ATP2A3: variants seen among roughly 807,000 people sequenced by gnomAD.
ATP2A3 encodes ATPase sarcoplasmic/endoplasmic reticulum Ca2+ transporting 3.
Under a neutral mutation model 106.8 loss-of-function variants are expected in ATP2A3, and 61 were observed. The observed-to-expected ratio is 0.57, with a 90% CI of 0.46 to 0.71. The LOEUF (loss-of-function observed/expected upper bound fraction) is 0.71. Among genes scored for constraint, ATP2A3 ranks in the 30% least tolerant of loss-of-function variants. ATP2A3 has a pLI of 0.00. For missense variants in ATP2A3, 1,201 were observed against 1,423.5 expected (o/e 0.84, Z 2.52); for synonymous variants, 611 against 609.3 (o/e 1.00, Z -0.04).
chr17:3,928,881 C>T lies in ATP2A3; in HGVS notation c.2863-101G>A, dbSNP rs2052873599. 1.1e-6 allele frequency: 1 copy of T among 887,002 alleles called. No homozygotes were observed. Among genetic ancestry groups the T allele is most frequent in the South Asian group, 1.5e-5 (1 of 64,950 alleles). 54.9% of individuals were successfully genotyped at this position (887,002 alleles called of 1,614,324 possible). ...TCCACCTGGGCTCTGATGGACTCTTCATGAGCGCTCCTAAGAACCCCCTGG... is the reference window on the plus strand; with the variant it reads ...TCCACCTGGGCTCTGATGGACTCTTTATGAGCGCTCCTAAGAACCCCCTGG... On this transcript the variant is annotated intron_variant, in intron 19 of 20. Transcript: ENST00000397041. The surrounding 1 kb of genome is among the most constrained non-coding windows in gnomAD (Gnocchi z 6.1).
In ATP2A3 at chr17:3,947,553, G is replaced by A. The variant is rs1160292115; in HGVS notation, c.933C>T (p.Leu311=). 1.2e-6 allele frequency: 2 copies of A among 1,613,050 alleles called. No individual in the cohort carries two copies. The highest frequency in any genetic ancestry group is 1.7e-6 in the Non-Finnish European group (2 of 1,179,940). ...ALAVAAIPEG[L]PAVITTCLAL... ...CCAGGCATGTAGTGATGACAGCCGG[G>A]AGGCCCTCGGGGATGGCCGCCACCG... The change falls in exon 8 of 21, where the codon CTC becomes CTT. Residue 311 remains leucine (L), a synonymous_variant. Coordinates refer to ENST00000397041, the MANE Select transcript of ATP2A3 (RefSeq NM_005173.4). The surrounding 1 kb of genome is among the most constrained non-coding windows in gnomAD (Gnocchi z 7.7).
At chr17:3,945,203 G>T in intron 8 of ATP2A3, 55 bp from the exon 9 acceptor site, 1 of 1,509,754 alleles carries the variant, frequency 6.6e-7, no homozygotes, top group African/African-American at 1.4e-5. Context: ...TCCTCCCCGG[G>T]CGGCCAGTCG....
Position 3,964,155 on chromosome 17 carries a change from G to A in ATP2A3, c.118+19C>T, listed in dbSNP as rs2055303481. 1.8e-6 allele frequency: 2 copies of A among 1,132,272 alleles called. No homozygotes were observed. Among genetic ancestry groups the A allele is most frequent in the Non-Finnish European group, 2.2e-6 (2 of 922,180 alleles). 70.1% of individuals were successfully genotyped at this position (1,132,272 alleles called of 1,614,324 possible). ...CGCGCGGCCCCCGCTCCCCGGCCCGGCCCGGCCCGCGCGCTCACCGTTGGG... is the reference window on the plus strand; with the variant it reads ...CGCGCGGCCCCCGCTCCCCGGCCCGACCCGGCCCGCGCGCTCACCGTTGGG... On this transcript the variant is annotated intron_variant, in intron 1 of 20. Transcript: ENST00000397041.
intron 17 of ATP2A3, among the ~76,000 whole-genome samples, chr17:3,932,140 G>A (rs1028422250): frequency 6.6e-6 from 1 of 151,952 alleles, no homozygotes; most frequent in African/African-American, 2.4e-5. Context: ...TTTTTATTTT[G>A]TTTTGTTTTG....
At chr17:3,959,404 T>C (rs1297751019) in intron 1 of ATP2A3, among the ~76,000 whole-genome samples, 1 of 152,080 alleles carries the variant, frequency 6.6e-6, no homozygotes, top group Non-Finnish European at 1.5e-5. Context: ...GTCATCCCTG[T>C]GTTTATGCTG....
chr17:3,925,659 A>C lies in ATP2A3; in HGVS notation c.2981-218T>G. Among the ~76,000 whole-genome samples the C allele has an allele frequency of 7.8e-6, 1 of 127,680 alleles. No homozygotes were observed. Among genetic ancestry groups the C allele is most frequent in the African/African-American group, 3.0e-5 (1 of 32,876 alleles). 83.8% of individuals were successfully genotyped at this position (127,680 alleles called of 152,430 possible). ...ACGTCCCCCACGCCTCCTTCACTCC[A>C]CTGTTCCATCAGCACCCCCAAACCC... On this transcript the variant is annotated intron_variant, in intron 20 of 20. Coordinates refer to ENST00000397041, the MANE Select transcript of ATP2A3 (RefSeq NM_005173.4). The surrounding 1 kb of genome is among the most constrained non-coding windows in gnomAD (Gnocchi z 4.2).
At position 3,930,193 on chromosome 17, in the gene ATP2A3, C is replaced by A. The variant is rs8074234; in HGVS notation, c.2744+108G>T. 9.9e-5 allele frequency: 83 copies of A among 841,026 alleles called. 6 individuals carry two copies. The highest frequency in any genetic ancestry group is 1.0e-4 in the African/African-American group (4 of 38,172). 52.1% of individuals were successfully genotyped at this position (841,026 alleles called of 1,614,324 possible). A position where few individuals can be genotyped will look rare whatever the true frequency, so the allele number is the denominator to read the frequency against. ...CCACTCCTCGGCCCCAGCTCCAGGC[C>A]CTGCGCCCAGCCCACCTGGACCCCT... On this transcript the variant is annotated intron_variant, in intron 18 of 20. Coordinates refer to ENST00000397041, the MANE Select transcript of ATP2A3 (RefSeq NM_005173.4). This position sits in a 1 kb window ranked among gnomAD's most constrained non-coding sequence, Gnocchi z 5.4.
At chr17:3,931,614 C>T (rs1031215141) in intron 17 of ATP2A3, among the ~76,000 whole-genome samples, 8 of 151,714 alleles carry the variant, frequency 5.3e-5, no homozygotes, top group South Asian at 4.2e-4. Context: ...CTCCGCCTCC[C>T]GGGTTCACGC....
intron 15 of ATP2A3, 24 bp downstream of exon 15, chr17:3,937,392 A>C (rs36057213): frequency 0.18 from 288,157 of 1,607,930 alleles, 26,577 homozygotes; most frequent in Middle Eastern, 0.23. Flanking sequence ...GAGAGGGCTG[A>C]GAGGAGGGAA....
Position 3,929,117 on chromosome 17 carries a change from T to G in ATP2A3, c.2862+211A>C, listed in dbSNP as rs1223104037. On this transcript the variant is annotated intron_variant, in intron 19 of 20. Coordinates refer to ENST00000397041, the MANE Select transcript of ATP2A3 (RefSeq NM_005173.4). The surrounding 1 kb of genome is among the most constrained non-coding windows in gnomAD (Gnocchi z 4.3). ...TCCTCCCACCCCAGCCTGGGCACAG[T>G]CCCCTCAGCAAGGGGTTTCCCCCTC... is the stretch of plus-strand genomic sequence containing the variant. Among the ~76,000 whole-genome samples, 1 of 152,078 alleles carries G rather than the reference T, an allele frequency of 6.6e-6. No homozygotes were observed. The highest frequency in any genetic ancestry group is 1.5e-5 in the Non-Finnish European group (1 of 68,014).
intron 20 of ATP2A3, chr17:3,927,631 CAG>C (rs1251488565): frequency 1.8e-4 from 182 of 985,316 alleles, no homozygotes; most frequent in Middle Eastern, 5.2e-4. Context: ...AAGAACCAGA[CAG>C]GGGGCAGAAT....
At chr17:3,940,043 G>GTTTTTTTTTTTTT (rs1294599615) in intron 14 of ATP2A3, among the ~76,000 whole-genome samples, 2 of 87,618 alleles carry the variant, frequency 2.3e-5, no homozygotes, top group Non-Finnish European at 4.3e-5. Flanking sequence ...TTTTTTTTTT[G>GTTTTTTTTTTTTT]TTTTTTGTTT....
rs1406936376 is a variant in ATP2A3, at chr17:3,951,300, C to T, written c.414G>A (p.Gln138=). The change falls in exon 5 of 21, where the codon CAG becomes CAA. Residue 138 remains glutamine (Q), a synonymous_variant. Transcript: ENST00000397041. ...GGACGATGTCCCGGGCACGGATCCT[C>T]TGCACGCCCTTGCGGTCCGAGCGGA... ...KVIRSDRKGV[Q]RIRARDIVPG... 44 of 1,613,808 alleles carry T rather than the reference C, an allele frequency of 2.7e-5. No homozygotes were observed. The highest frequency in any genetic ancestry group is 3.7e-5 in the Non-Finnish European group (44 of 1,180,034).
In ATP2A3 at chr17:3,936,497, C is replaced by T. The variant is rs368509924; in HGVS notation, c.2322-28G>A. On this transcript the variant is annotated intron_variant, in intron 15 of 20. Transcript: ENST00000397041. This position sits in a 1 kb window ranked among gnomAD's most constrained non-coding sequence, Gnocchi z 5.4. ...GGAACAGAGTCATGAGCTCTAGCCCCGGTAGGCCTAGCCCCCGGCAGATGC... is the reference window on the plus strand; with the variant it reads ...GGAACAGAGTCATGAGCTCTAGCCCTGGTAGGCCTAGCCCCCGGCAGATGC... The T allele has an allele frequency of 2.0e-5, 33 of 1,612,164 alleles. No homozygotes were observed. The highest frequency in any genetic ancestry group is 4.0e-5 in the African/African-American group (3 of 74,980).
In ATP2A3 at chr17:3,941,493, C is replaced by G. The variant is rs1800912; in HGVS notation, c.1707G>C (p.Ala569=). 0.23 allele frequency: 369,967 copies of G among 1,613,818 alleles called. 44,793 individuals carry two copies. The highest frequency in any genetic ancestry group is 0.25 in the Non-Finnish European group (296,227 of 1,179,964). ...GCTCCATGTCCTCCTTCCTTGGGGG[C>G]GCGTCCCGGGTGGCCAGTGCCAGGC... is the stretch of plus-strand genomic sequence containing the variant. ...LRCLALATRD[A]PPRKEDMELD... is the part of the protein sequence containing the mutation. The change falls in exon 13 of 21, where the codon GCG becomes GCC. Residue 569 remains alanine, a synonymous_variant. Transcript: ENST00000397041.
rs1555566985 is a variant in ATP2A3 at position 3,958,869 on chromosome 17, TAC to T, written c.119-5161_119-5160del. Reference sequence around the variant, plus strand: ...ATATAAATATATATATATATATATATACACACACACACACACACATATATATA... The same window carrying T: ...ATATAAATATATATATATATATATATACACACACACACACACATATATATA... On this transcript the variant is annotated intron_variant, in intron 1 of 20. Transcript: ENST00000397041. Among the ~76,000 whole-genome samples the T allele has an allele frequency of 7.1e-3, 552 of 77,356 alleles. 42 individuals are homozygous for T. The highest frequency in any genetic ancestry group is 0.031 in the African/African-American group (491 of 15,752). 50.7% of individuals were successfully genotyped at this position (77,356 alleles called of 152,430 possible). A position where few individuals can be genotyped will look rare whatever the true frequency, so the allele number is the denominator to read the frequency against.
intron 1 of ATP2A3, among the ~76,000 whole-genome samples, chr17:3,963,580 A>C (rs1227634418): frequency 6.6e-6 from 1 of 152,182 alleles, no homozygotes; most frequent in African/African-American, 2.4e-5. Flanking sequence ...CCACCCCAGG[A>C]AGGTGGGTCT....
rs1163736792 is a variant in ATP2A3, at chr17:3,936,756, G to GCGCA, written c.2322-288_2322-287insTGCG. ...CACACACACACACACACACACACAC[G>GCGCA]CACACGAAGAGGGCATGCCCAAGAA... On this transcript the variant is annotated intron_variant, in intron 15 of 20. Transcript: ENST00000397041. The surrounding 1 kb of genome is among the most constrained non-coding windows in gnomAD (Gnocchi z 5.4). 8.2e-5 allele frequency: 31 copies of GCGCA among 378,152 alleles called. No homozygotes were observed. Among genetic ancestry groups the GCGCA allele is most frequent in the African/African-American group, 6.4e-4 (26 of 40,498 alleles). The allele number at this position is 378,152 out of a possible 1,614,324, so 23.4% of individuals were successfully genotyped here. A position where few individuals can be genotyped will look rare whatever the true frequency, so the allele number is the denominator to read the frequency against.
In ATP2A3 at chr17:3,951,358, A is replaced by G. The variant is rs768526684; in HGVS notation, c.356T>C (p.Leu119Pro). 6.2e-7 allele frequency: 1 copy of G among 1,613,776 alleles called. No individual in the cohort carries two copies. The highest frequency in any genetic ancestry group is 8.5e-7 in the Non-Finnish European group (1 of 1,180,004). ...ERNAESAIEA[L>P]KEYEPEMGKV... ...GCCCATCTCAGGCTCATACTCCTTC[A>G]GGGCCTCGATGGCACTCTCGGCGTT... The change falls in exon 5 of 21, where the codon CTG (leucine) becomes CCG (proline). Residue 119 changes from leucine to proline, a missense_variant. By Grantham distance (98) the Leu-to-Pro change is moderately conservative. Around this residue, in one of 2 missense-constraint regions of ATP2A3, gnomAD observed 266 missense variants for 246.8 expected, o/e 1.08. Transcript: ENST00000397041.
Sources: gnomAD v4.1 joint callset for allele counts (sites outside exome capture counted in the v4.1 genomes callset) on GRCh38, gnomAD v4.1.1 for gene constraint, gnomAD v4.1.1 regional missense constraint, Gnocchi (gnomAD v3.1) non-coding constraint, MANE v1.5 for transcripts, NCBI Gene and HGNC (gene_info 2026-07-23, HGNC 2026-07-21) for gene names.